The following EMB variants were observed in gnomAD, a reference collection of about 807,000 sequenced individuals.
The protein encoded by EMB is embigin homolog.
Under a neutral mutation model 41.4 loss-of-function variants are expected in EMB, and 31 were observed. The ratio of observed to expected loss-of-function variants is 0.75; its 90% confidence interval spans 0.56 to 1.01. The LOEUF (loss-of-function observed/expected upper bound fraction) is 1.01, where lower values mean the gene tolerates loss of function less well. Among genes scored for constraint, EMB ranks in the 50% least tolerant of loss-of-function variants. The probability of loss-of-function intolerance (pLI) is 0.00; values close to 1 mark genes in which losing one functional copy is unlikely to be tolerated. For missense variants in EMB, 379 were observed against 388.3 expected (o/e 0.98, Z 0.20); for synonymous variants, 137 against 140.4 (o/e 0.98, Z 0.17).
chr5:50,416,379 A>G (rs1251165824), intron 2 of EMB, among the ~76,000 whole-genome samples: 1 of 152,222 alleles, frequency 6.6e-6, no homozygotes, highest in African/African-American at 2.4e-5. Context: ...CATAGGTAAC[A>G]TTTTTAAAGT....
chr5:50,396,844 A>G lies in EMB; in HGVS notation c.*2429T>C, dbSNP rs1487606387. ...GTTGGGGAGGCAATGGGATGGATTC[A>G]TGAGCTATTAAAAAGGTCAAAGGAG... On this transcript the variant is annotated 3_prime_UTR_variant, in exon 9 of 9. Coordinates refer to ENST00000303221, the MANE Select transcript of EMB (RefSeq NM_198449.3). 1 of 152,124 alleles carries G rather than the reference A, an allele frequency of 6.6e-6. No homozygotes were observed. The highest frequency in any genetic ancestry group is 6.6e-5 in the Admixed American group (1 of 15,244). The allele number at this position is 152,124 out of a possible 1,614,324, so 9.4% of individuals were successfully genotyped here. A position where few individuals can be genotyped will look rare whatever the true frequency, so the allele number is the denominator to read the frequency against.
rs1745097325 is a variant in EMB at position 50,397,899 on chromosome 5, T to A, written c.*1374A>T. The A allele has an allele frequency of 6.6e-6, 1 of 152,054 alleles. No individual in the cohort carries two copies. The highest frequency in any genetic ancestry group is 2.1e-4 in the South Asian group (1 of 4,834). The allele number at this position is 152,054 out of a possible 1,614,324, so 9.4% of individuals were successfully genotyped here. ...CTTCCAAGTCACTACCTTATGTGTA[T>A]TATTCATACTAGTAATATTGGTAAA... is the stretch of plus-strand genomic sequence containing the variant. On this transcript the variant is annotated 3_prime_UTR_variant, in exon 9 of 9. Transcript: ENST00000303221.
At chr5:50,441,354 T>G, upstream of EMB, 1 of 374,072 alleles carries the variant, frequency 2.7e-6, no homozygotes, top group East Asian at 3.9e-5. Flanking sequence ...CGCCCGGCCC[T>G]CCATCAGTTA....
chr5:50,411,216 T>C lies in EMB; in HGVS notation c.364A>G (p.Thr122Ala). ...NNYLVSATGS[T>A]LYTQYRFTII... ...ACTCACCTGTATTGGGTATACAAGG[T>C]GCTTCCTGTTGCACTGACAAGATAA... is the stretch of plus-strand genomic sequence containing the variant. Residue 122 changes from threonine (T) to alanine (A), a missense_variant, in exon 3 of 9, where the codon ACC becomes GCC. Thr to Ala is a moderately conservative substitution (Grantham distance 58, BLOSUM62 0). Coordinates refer to ENST00000303221, the MANE Select transcript of EMB (RefSeq NM_198449.3). 1 of 1,611,914 alleles carries C rather than the reference T, an allele frequency of 6.2e-7. No homozygotes were observed. Among genetic ancestry groups the C allele is most frequent in the Non-Finnish European group, 8.5e-7 (1 of 1,178,800 alleles).
chr5:50,415,900 T>G (rs539314942), intron 2 of EMB, among the ~76,000 whole-genome samples: 2 of 152,342 alleles, frequency 1.3e-5, no homozygotes, highest in South Asian at 2.1e-4. Flanking sequence ...GATGATAAAA[T>G]GAACAGTGCA....
intron 2 of EMB, among the ~76,000 whole-genome samples, chr5:50,416,722 G>A (rs910096629): frequency 2.0e-5 from 3 of 152,038 alleles, no homozygotes; most frequent in African/African-American, 7.3e-5. Context: ...TGAGGTAGGA[G>A]GTGGAATGTG....
chr5:50,411,339 G>T lies in EMB; in HGVS notation c.241C>A (p.Pro81Thr), dbSNP rs779709621. The T allele has an allele frequency of 5.6e-6, 9 of 1,610,788 alleles. No individual in the cohort carries two copies. The African/African-American group carries it at 8.0e-5, about 14-fold the overall frequency. Residue 81 changes from proline (P) to threonine (T), a missense_variant, in exon 3 of 9, where the codon CCT becomes ACT. Coordinates refer to ENST00000303221, the MANE Select transcript of EMB (RefSeq NM_198449.3). Reference protein sequence around the residue: ...PVEKNITLERPSNVNLTCQFT... With the variant: ...PVEKNITLERTSNVNLTCQFT... ...TGGCATGTGAGATTTACATTAGAAG[G>T]CCTTTCTAAAGTGATATTTTTTTCT...
intron 2 of EMB, among the ~76,000 whole-genome samples, chr5:50,419,012 A>G (rs1005418494): frequency 2.0e-5 from 3 of 152,204 alleles, no homozygotes; most frequent in Non-Finnish European, 2.9e-5. Context: ...ATATGATAAT[A>G]CTTGGTCCCC....
At chr5:50,424,014 AG>A (rs1745568481) in intron 2 of EMB, among the ~76,000 whole-genome samples, 1 of 152,114 alleles carries the variant, frequency 6.6e-6, no homozygotes, top group African/African-American at 2.4e-5. Context: ...AGTTTTCTTC[AG>A]GTTTTCAGTT....
intron 6 of EMB, 124 bp from the exon 7 acceptor site, chr5:50,402,443 G>A: frequency 1.2e-6 from 1 of 855,768 alleles, no homozygotes; most frequent in Non-Finnish European, 1.9e-6. Flanking sequence ...TTGGAATGAA[G>A]GAGAGACATG....
chr5:50,442,312 G>A (rs559049309), upstream of EMB, among the ~76,000 whole-genome samples: 2 of 152,194 alleles, frequency 1.3e-5, no homozygotes, highest in African/African-American at 4.8e-5. Flanking sequence ...TAATTGGTAC[G>A]TATTACTAAA....
chr5:50,432,608 T>C (rs903824164), intron 1 of EMB, among the ~76,000 whole-genome samples: 1 of 151,912 alleles, frequency 6.6e-6, no homozygotes, highest in Admixed American at 6.6e-5. Flanking sequence ...ACACAACACA[T>C]GGAGAATTAT....
intron 1 of EMB, among the ~76,000 whole-genome samples, chr5:50,434,469 T>G (rs1745771503): frequency 6.6e-6 from 1 of 152,188 alleles, no homozygotes; most frequent in African/African-American, 2.4e-5. Context: ...TTTTGAGGAC[T>G]TTTTATGAAG....
At chr5:50,424,676 A>G (rs1405161359) in intron 2 of EMB, among the ~76,000 whole-genome samples, 2 of 152,150 alleles carry the variant, frequency 1.3e-5, no homozygotes, top group African/African-American at 4.8e-5. Context: ...TCAAATGGGG[A>G]AAATTTTGTA....
At chr5:50,433,373 C>T (rs13154421) in intron 1 of EMB, among the ~76,000 whole-genome samples, 11,176 of 152,074 alleles carry the variant, frequency 0.073, 564 homozygotes, top group Middle Eastern at 0.15. Flanking sequence ...CAATAATATA[C>T]GTTTCAAAGG....
At chr5:50,412,677 T>C (rs1745362021) in intron 2 of EMB, among the ~76,000 whole-genome samples, 1 of 152,174 alleles carries the variant, frequency 6.6e-6, no homozygotes, top group Non-Finnish European at 1.5e-5. Flanking sequence ...TGTCCATATG[T>C]TATTAAATAC....
At chr5:50,404,038 A>T (rs534284606) in intron 5 of EMB, among the ~76,000 whole-genome samples, 1 of 151,946 alleles carries the variant, frequency 6.6e-6, no homozygotes, top group South Asian at 2.1e-4. Flanking sequence ...TTCATATCTG[A>T]ATTTCTTTCT....
Position 50,411,357 on chromosome 5 carries a change from T to G in EMB, c.223A>C (p.Asn75His). 3.1e-6 allele frequency: 5 copies of G among 1,605,636 alleles called. No individual in the cohort carries two copies. The highest frequency in any genetic ancestry group is 4.3e-6 in the Non-Finnish European group (5 of 1,175,496). ...TTAGAAGGCCTTTCTAAAGTGATATTTTTTTCTACTGGCATACTAGAATGT... is the reference window on the plus strand; with the variant it reads ...TTAGAAGGCCTTTCTAAAGTGATATGTTTTTCTACTGGCATACTAGAATGT... ...TEHSSMPVEK[N>H]ITLERPSNVN... Residue 75 changes from asparagine (N) to histidine (H), a missense_variant, in exon 3 of 9, where the codon AAT becomes CAT. Asn to His is a moderately conservative substitution (Grantham distance 68). Coordinates refer to ENST00000303221, the MANE Select transcript of EMB (RefSeq NM_198449.3).
At chr5:50,401,736 C>A (rs1745165637) in intron 7 of EMB, among the ~76,000 whole-genome samples, 1 of 151,830 alleles carries the variant, frequency 6.6e-6, no homozygotes, top group Admixed American at 6.6e-5. Context: ...TAATAGAATT[C>A]TAGGCCAGTG....
Sources: allele counts gnomAD v4.1 joint callset (sites outside exome capture counted in the v4.1 genomes callset), GRCh38; gene constraint gnomAD v4.1.1; transcripts MANE v1.5; gene names NCBI Gene and HGNC (gene_info 2026-07-23, HGNC 2026-07-21).